Variants in PPP2R2B observed in about 807,000 individuals in gnomAD.
The protein encoded by PPP2R2B is protein phosphatase 2 regulatory subunit Bbeta.
A neutral mutation model predicts 46.0 loss-of-function variants in PPP2R2B; 5 were observed. The ratio of observed to expected loss-of-function variants is 0.11; its 90% CI spans 0.06 to 0.23. The LOEUF (loss-of-function observed/expected upper bound fraction) is 0.23. Among genes scored for constraint, PPP2R2B ranks in the 10% least tolerant of loss-of-function variants. The pLI is 1.00. For missense variants in PPP2R2B, 367 were observed against 575.0 expected, an observed-to-expected ratio of 0.64 and a Z score of 3.70; for synonymous variants, 215 against 206.7, an observed-to-expected ratio of 1.04 and a Z score of -0.34.
At position 146,590,127 on chromosome 5, in the gene PPP2R2B, G is replaced by A; in HGVS notation, c.1152C>T (p.Pro384=). Residue 384 remains proline (P), a synonymous_variant, in exon 10 of 10, where the codon CCC becomes CCT. Transcript: ENST00000394411. ...CTTTTCGGGGTTTGAGGATAGCCCG[G>A]GGCTTGCTGTTTTCCCTCGAAGCCT... ...TLEASRENSK[P]RAILKPRKVC... 6.2e-7 allele frequency: 1 copy of A among 1,613,412 alleles called. No homozygotes were observed. The highest frequency in any genetic ancestry group is 1.1e-5 in the South Asian group (1 of 91,056).
intron 2 of PPP2R2B, among the ~76,000 whole-genome samples, chr5:146,749,374 T>C: frequency 6.6e-6 from 1 of 152,234 alleles, no homozygotes; most frequent in East Asian, 1.9e-4. Context: ...AATCTTTGGC[T>C]GAGCAAATGT....
intron 1 of PPP2R2B, among the ~76,000 whole-genome samples, chr5:146,951,923 G>T (rs1234127146): frequency 6.6e-6 from 1 of 150,986 alleles, no homozygotes; most frequent in Non-Finnish European, 1.5e-5. Context: ...CTAAATCTTT[G>T]GAGAATCGCC....
intron 1 of PPP2R2B, among the ~76,000 whole-genome samples, chr5:147,032,454 A>G (rs993446236): frequency 1.3e-5 from 2 of 152,108 alleles, no homozygotes; most frequent in Admixed American, 6.5e-5. Flanking sequence ...TGGTTCACCT[A>G]TCACCCAAGC....
intron 2 of PPP2R2B, among the ~76,000 whole-genome samples, chr5:146,822,742 CTTT>C (rs974100351): frequency 6.6e-6 from 1 of 152,118 alleles, no homozygotes; most frequent in African/African-American, 2.4e-5. Flanking sequence ...TTGCTCACTT[CTTT>C]ATGACCAACA....
chr5:147,056,047 T>G, upstream of PPP2R2B: 1 of 1,167,180 alleles, frequency 8.6e-7, no homozygotes, highest in Non-Finnish European at 1.1e-6. Flanking sequence ...CAGTCCTGCC[T>G]GTAAACACAC....
At chr5:146,987,100 G>T (rs1753466922) in intron 1 of PPP2R2B, among the ~76,000 whole-genome samples, 1 of 152,094 alleles carries the variant, frequency 6.6e-6, no homozygotes. Context: ...GGAGTGAAAT[G>T]ATATATTCAA....
At position 146,586,705 on chromosome 5, in the gene PPP2R2B, A is replaced by G. The variant is rs1308500816; in HGVS notation, c.*3242T>C. 2 of 152,148 alleles carry G rather than the reference A, an allele frequency of 1.3e-5. No individual in the cohort carries two copies. The highest frequency in any genetic ancestry group is 2.9e-5 in the Non-Finnish European group (2 of 68,036). 9.4% of individuals were successfully genotyped at this position (152,148 alleles called of 1,614,324 possible). On this transcript the variant is annotated 3_prime_UTR_variant, in exon 10 of 10. Transcript: ENST00000394411. ...GGTTGAATTAATTACAAGATCAATG[A>G]GAGGTTTAAAGGTGCTTTTTTTTCA...
chr5:146,749,819 C>T (rs1227981340), intron 2 of PPP2R2B, among the ~76,000 whole-genome samples: 3 of 151,982 alleles, frequency 2.0e-5, no homozygotes, highest in East Asian at 3.9e-4. Flanking sequence ...AGGATGGTCT[C>T]GATCTCCTGA....
At chr5:146,632,060 T>TC (rs1774458313) in intron 7 of PPP2R2B, among the ~76,000 whole-genome samples, 1 of 97,870 alleles carries the variant, frequency 1.0e-5, no homozygotes, top group Non-Finnish European at 2.1e-5. Flanking sequence ...GGCTGAGTTG[T>TC]GCCCCCCCCC....
chr5:146,954,926 C>T (rs1299418991), intron 1 of PPP2R2B, among the ~76,000 whole-genome samples: 1 of 151,964 alleles, frequency 6.6e-6, no homozygotes, highest in African/African-American at 2.4e-5. Context: ...CTTCACTGAC[C>T]ATCAGAATAA....
At chr5:146,733,851 T>C (rs552977531) in intron 2 of PPP2R2B, among the ~76,000 whole-genome samples, 11 of 152,260 alleles carry the variant, frequency 7.2e-5, no homozygotes, top group African/African-American at 2.6e-4. Context: ...TGTATTGAAT[T>C]TGAGTCATGA....
chr5:146,710,000 A>G (rs764092871), intron 2 of PPP2R2B, among the ~76,000 whole-genome samples: 38 of 152,294 alleles, frequency 2.5e-4, no homozygotes, highest in Non-Finnish European at 5.1e-4. Flanking sequence ...AAACTCTCAC[A>G]TGCACATTTC....
intron 2 of PPP2R2B, among the ~76,000 whole-genome samples, chr5:146,740,092 T>C (rs957700000): frequency 9.9e-5 from 15 of 152,138 alleles, no homozygotes; most frequent in Non-Finnish European, 1.9e-4. Flanking sequence ...TGGGGATCCT[T>C]GGGAAATGTA....
chr5:147,030,202 C>T (rs1484487821), intron 1 of PPP2R2B, among the ~76,000 whole-genome samples: 1 of 151,936 alleles, frequency 6.6e-6, no homozygotes, highest in African/African-American at 2.4e-5. Flanking sequence ...ATGTTTTGAC[C>T]CTCTGTACTT....
chr5:146,986,176 C>T (rs1045790739), intron 1 of PPP2R2B, among the ~76,000 whole-genome samples: 1 of 152,154 alleles, frequency 6.6e-6, no homozygotes, highest in South Asian at 2.1e-4. Context: ...CAAACTTGGG[C>T]AGTACAGCAC....
At chr5:146,922,102 A>T (rs1763628044) in intron 1 of PPP2R2B, among the ~76,000 whole-genome samples, 1 of 152,172 alleles carries the variant, frequency 6.6e-6, no homozygotes, top group Non-Finnish European at 1.5e-5. Flanking sequence ...ACCTATGCTA[A>T]ACTGTACCTA....
At chr5:146,728,969 C>G (rs928626000) in intron 2 of PPP2R2B, among the ~76,000 whole-genome samples, 3 of 152,140 alleles carry the variant, frequency 2.0e-5, no homozygotes, top group African/African-American at 7.2e-5. Flanking sequence ...TGAAGAGATA[C>G]CCCAAAATGT....
At chr5:146,809,864 T>C (rs1757417572) in intron 2 of PPP2R2B, among the ~76,000 whole-genome samples, 1 of 152,102 alleles carries the variant, frequency 6.6e-6, no homozygotes, top group Non-Finnish European at 1.5e-5. Context: ...GCTCTGTCTG[T>C]AGTGCAGGTG....
intron 2 of PPP2R2B, among the ~76,000 whole-genome samples, chr5:146,856,905 A>G (rs1760705163): frequency 6.6e-6 from 1 of 152,222 alleles, no homozygotes; most frequent in Admixed American, 6.5e-5. Context: ...TCAAACTCAC[A>G]GGCCTATAGA....
Sources: allele counts gnomAD v4.1 joint callset (sites outside exome capture counted in the v4.1 genomes callset), GRCh38; gene constraint gnomAD v4.1.1; transcripts MANE v1.5; gene names NCBI Gene and HGNC (gene_info 2026-07-23, HGNC 2026-07-21).